Variants in TMEM170A observed in about 807,000 individuals in gnomAD.
TMEM170A encodes transmembrane protein 170A, also known as transmembrane protein 170.
TMEM170A carries 18 observed loss-of-function variants against 12.8 expected under a neutral mutation model. The ratio of observed to expected loss-of-function variants is 1.41; its 90% confidence interval spans 0.97 to 2.09. The LOEUF (loss-of-function observed/expected upper bound fraction) is 2.09, where lower values mean the gene tolerates loss of function less well. Among genes scored for constraint, TMEM170A ranks in the 30% most tolerant of loss-of-function variants. The pLI is 0.00. For synonymous variants in TMEM170A, 107 were observed against 76.2 expected, an observed-to-expected ratio of 1.40 and a Z score of -2.11; for missense variants, 220 against 179.9, an observed-to-expected ratio of 1.22 and a Z score of -1.28.
At position 75,451,742 on chromosome 16, in the gene TMEM170A, T is replaced by C. The variant is rs754300872; in HGVS notation, c.231A>G (p.Lys77=). The C allele has an allele frequency of 1.5e-5, 24 of 1,614,014 alleles. No individual in the cohort carries two copies. The Admixed American group carries it at 3.7e-4, about 25-fold the overall frequency. The change falls in exon 2 of 3, where the codon AAA becomes AAG. Residue 77 remains lysine, a synonymous_variant. Transcript: ENST00000561878. ...LLALFTLRHH[K]YGRFMSVSIL... ...TGCTTACAGACATGAACCTACCATA[T>C]TTGTGATGTCTGAGGGTGAAGAGGG...
At chr16:75,451,079 G>T (rs1171403814) in intron 2 of TMEM170A, among the ~76,000 whole-genome samples, 3 of 152,126 alleles carry the variant, frequency 2.0e-5, no homozygotes, top group African/African-American at 4.8e-5. Context: ...TGATCAGAGA[G>T]GAGAAGTAGC....
chr16:75,457,747 G>A (rs1436150707), intron 1 of TMEM170A, among the ~76,000 whole-genome samples: 14 of 152,138 alleles, frequency 9.2e-5, no homozygotes, highest in East Asian at 3.8e-4. Context: ...TGTAAACAGC[G>A]TCCGGCATAC....
intron 1 of TMEM170A, chr16:75,458,261 T>A (rs2079834756): frequency 6.6e-6 from 1 of 152,220 alleles, no homozygotes; most frequent in African/African-American, 2.4e-5. Flanking sequence ...TGTAATACAA[T>A]ATGATATTGG....
intron 2 of TMEM170A, among the ~76,000 whole-genome samples, chr16:75,448,000 G>C (rs2079617553): frequency 6.6e-6 from 1 of 152,162 alleles, no homozygotes; most frequent in Non-Finnish European, 1.5e-5. Context: ...CACATGACCA[G>C]ATTATGAACT....
intron 1 of TMEM170A, among the ~76,000 whole-genome samples, chr16:75,461,578 C>T (rs1229982532): frequency 6.6e-6 from 1 of 152,200 alleles, no homozygotes; most frequent in Non-Finnish European, 1.5e-5. Flanking sequence ...AATGCAACTC[C>T]TGTTAAGCAG....
At chr16:75,460,833 C>T (rs1300317353) in intron 1 of TMEM170A, among the ~76,000 whole-genome samples, 1 of 152,132 alleles carries the variant, frequency 6.6e-6, no homozygotes. Flanking sequence ...CCAAGTGTGA[C>T]CAGTCTTGAT....
At chr16:75,450,284 A>T (rs2079659932) in intron 2 of TMEM170A, among the ~76,000 whole-genome samples, 2 of 152,056 alleles carry the variant, frequency 1.3e-5, no homozygotes, top group Admixed American at 1.3e-4. Flanking sequence ...AATCAGTAGG[A>T]ATATTACATT....
intron 1 of TMEM170A, 24 bp from the exon 2 acceptor site, chr16:75,451,863 T>G: frequency 6.3e-7 from 1 of 1,587,838 alleles, no homozygotes; most frequent in Non-Finnish European, 8.6e-7. Flanking sequence ...CAAAGAAAAG[T>G]TGTGAATCAC....
At chr16:75,463,825 C>T (rs141520972) in intron 1 of TMEM170A, among the ~76,000 whole-genome samples, 1 of 152,244 alleles carries the variant, frequency 6.6e-6, no homozygotes, top group African/African-American at 2.4e-5. Context: ...CAGCTCAAGC[C>T]GCAGCGGGGA....
Position 75,451,756 on chromosome 16 carries a change from G to C in TMEM170A, c.217C>G (p.Leu73Val), listed in dbSNP as rs748483451. 1.9e-6 allele frequency: 3 copies of C among 1,614,168 alleles called. No individual in the cohort carries two copies. The highest frequency in any genetic ancestry group is 2.5e-6 in the Non-Finnish European group (3 of 1,180,032). The change falls in exon 2 of 3, where the codon CTC (leucine) becomes GTC (valine). Residue 73 changes from leucine to valine, a missense_variant. Transcript: ENST00000561878. ...AACCTACCATATTTGTGATGTCTGA[G>C]GGTGAAGAGGGCCAGTAATCCAGCA... ...VPAGLLALFT[L>V]RHHKYGRFMS...
At chr16:75,456,864 C>G (rs901224771) in intron 1 of TMEM170A, among the ~76,000 whole-genome samples, 1 of 152,192 alleles carries the variant, frequency 6.6e-6, no homozygotes. Context: ...CCACCCACCG[C>G]CAGCTCATCC....
intron 2 of TMEM170A, 134 bp downstream of exon 2, chr16:75,451,535 G>A (rs902429628): frequency 1.1e-6 from 1 of 913,476 alleles, no homozygotes; most frequent in Non-Finnish European, 1.7e-6. Context: ...TGGTGACATA[G>A]GGAGACCCTG....
Position 75,464,488 on chromosome 16 carries a change from GT to G in TMEM170A, c.112del (p.Thr38LeufsTer47), listed in dbSNP as rs755278295. The G allele has an allele frequency of 9.8e-5, 153 of 1,567,658 alleles. No individual in the cohort carries two copies. Among genetic ancestry groups the G allele is most frequent in the Non-Finnish European group, 1.2e-4 (137 of 1,160,882 alleles). On this transcript the variant is annotated frameshift_variant, in exon 1 of 3. Transcript: ENST00000561878. LOFTEE classifies it high-confidence loss of function. ...VGNGTLCPNS[T>X]SLCSFPEMWY... is the part of the protein sequence containing the mutation. ...CGTACCTGGGAAGGAGCAGAGGGAA[GT>G]AGAGTTGGGGCACAGGGTCCCGTTG...
chr16:75,464,245 C>G (rs1308424517), intron 1 of TMEM170A: 1 of 1,502,142 alleles, frequency 6.7e-7, no homozygotes, highest in Admixed American at 2.1e-5. Flanking sequence ...CGGCCGCTCT[C>G]TGCATCTCAC....
Position 75,451,753 on chromosome 16 carries a change from T to C in TMEM170A, c.220A>G (p.Arg74Gly). 1 of 1,614,140 alleles carries C rather than the reference T, an allele frequency of 6.2e-7. No individual in the cohort carries two copies. ...PAGLLALFTL[R>G]HHKYGRFMSV... Reference sequence around the variant, plus strand: ...ATGAACCTACCATATTTGTGATGTCTGAGGGTGAAGAGGGCCAGTAATCCA... The same window carrying C: ...ATGAACCTACCATATTTGTGATGTCCGAGGGTGAAGAGGGCCAGTAATCCA... Residue 74 changes from arginine to glycine, a missense_variant, in exon 2 of 3, where the codon AGA (arginine) becomes GGA (glycine). Transcript: ENST00000561878.
In TMEM170A at chr16:75,451,740, T is replaced by C. The variant is rs147650836; in HGVS notation, c.233A>G (p.Tyr78Cys). ...GATGCTTACAGACATGAACCTACCA[T>C]ATTTGTGATGTCTGAGGGTGAAGAG... The part of the protein sequence containing the change: ...LALFTLRHHK[Y>C]GRFMSVSILL... The change falls in exon 2 of 3, where the codon TAT becomes TGT. Residue 78 changes from tyrosine to cysteine, a missense_variant. Physicochemically the swap from Tyr to Cys is radical, Grantham distance 194 (BLOSUM62 -2). Coordinates refer to ENST00000561878, the MANE Select transcript of TMEM170A (RefSeq NM_145254.3). 128 of 1,614,066 alleles carry C rather than the reference T, an allele frequency of 7.9e-5. No individual in the cohort carries two copies. The African/African-American group carries it at 1.4e-3, about 18-fold the overall frequency.
At chr16:75,449,675 A>G (rs964741784) in intron 2 of TMEM170A, among the ~76,000 whole-genome samples, 2 of 152,222 alleles carry the variant, frequency 1.3e-5, no homozygotes, top group African/African-American at 2.4e-5. Flanking sequence ...AAGAAAGAAC[A>G]ATATTAACCA....
intron 1 of TMEM170A, among the ~76,000 whole-genome samples, chr16:75,460,569 A>G (rs2079885500): frequency 6.6e-6 from 1 of 152,078 alleles, no homozygotes. Flanking sequence ...TTTGACTCCA[A>G]TATCATCACC....
intron 1 of TMEM170A, among the ~76,000 whole-genome samples, chr16:75,463,040 T>TTA (rs1460211727): frequency 2.0e-5 from 3 of 152,152 alleles, no homozygotes; most frequent in South Asian, 2.1e-4. Context: ...ATACATGTGG[T>TTA]TATATATATA....
Sources: allele counts gnomAD v4.1 joint callset (sites outside exome capture counted in the v4.1 genomes callset), GRCh38; gene constraint gnomAD v4.1.1; transcripts MANE v1.5; gene names NCBI Gene and HGNC (gene_info 2026-07-23, HGNC 2026-07-21).